RIMS2: variants seen among roughly 807,000 people sequenced by gnomAD.
The protein encoded by RIMS2 is regulating synaptic membrane exocytosis protein 2.
Under a neutral mutation model 174.4 loss-of-function variants are expected in RIMS2, and 59 were observed. That is an observed-to-expected ratio of 0.34 (90% CI 0.27 to 0.42). The LOEUF (loss-of-function observed/expected upper bound fraction) is 0.42, where lower values mean the gene tolerates loss of function less well. Among genes scored for constraint, RIMS2 ranks in the 10% least tolerant of loss-of-function variants. The pLI is 1.00. For missense variants in RIMS2, 1,620 were observed against 1,666.3 expected (o/e 0.97, Z 0.48); for synonymous variants, 606 against 572.5 (o/e 1.06, Z -0.84).
intron 3 of RIMS2, among the ~76,000 whole-genome samples, chr8:103,781,738 C>CTTT (rs11308922): frequency 6.8e-5 from 6 of 88,494 alleles, no homozygotes; most frequent in South Asian, 3.8e-4. Context: ...CTCCCCTAAT[C>CTTT]TTTTTTTTTT....
At chr8:104,170,556 G>GTT (rs2098826171) in intron 19 of RIMS2, among the ~76,000 whole-genome samples, 2 of 151,988 alleles carry the variant, frequency 1.3e-5, no homozygotes, top group African/African-American at 4.8e-5. Context: ...GTGCTTATGT[G>GTT]TTAGGTGAGT....
intron 19 of RIMS2, among the ~76,000 whole-genome samples, chr8:104,043,201 G>T (rs1201193135): frequency 6.6e-6 from 1 of 150,766 alleles, no homozygotes; most frequent in South Asian, 2.1e-4. Flanking sequence ...AGATGGAAAA[G>T]AAAAAAATGA....
intron 1 of RIMS2, among the ~76,000 whole-genome samples, chr8:103,569,839 C>A (rs1325917643): frequency 6.8e-6 from 1 of 146,342 alleles, no homozygotes; most frequent in Non-Finnish European, 1.5e-5. Flanking sequence ...TCTGGTCTTT[C>A]GCAGGCTGGT....
At chr8:103,572,736 A>G (rs778672071) in intron 1 of RIMS2, among the ~76,000 whole-genome samples, 2 of 152,052 alleles carry the variant, frequency 1.3e-5, no homozygotes, top group East Asian at 1.9e-4. Context: ...CTCTTTGCCA[A>G]CTTTTTAATG....
At chr8:103,756,962 C>G (rs182345491) in intron 2 of RIMS2, among the ~76,000 whole-genome samples, 1 of 140,300 alleles carries the variant, frequency 7.1e-6, no homozygotes, top group South Asian at 2.3e-4. Flanking sequence ...CATCCTTTCT[C>G]GTATGTGTGT....
chr8:103,727,239 T>C (rs1564422614), intron 2 of RIMS2, among the ~76,000 whole-genome samples: 1 of 152,068 alleles, frequency 6.6e-6, no homozygotes, highest in Non-Finnish European at 1.5e-5. Context: ...ATAATAATAG[T>C]TTACCTTCTT....
chr8:103,645,607 T>TAC (rs1405636760), intron 1 of RIMS2, among the ~76,000 whole-genome samples: 1 of 152,152 alleles, frequency 6.6e-6, no homozygotes, highest in African/African-American at 2.4e-5. Context: ...GTCATAAGTT[T>TAC]ACCTCTTAGG....
At position 103,512,180 on chromosome 8, in the gene RIMS2, G is replaced by A. The variant is rs1458945233; in HGVS notation, c.176+11118G>A. Among the ~76,000 whole-genome samples, 7 of 152,126 alleles carry A rather than the reference G, an allele frequency of 4.6e-5. No homozygotes were observed. In the East Asian group the frequency reaches 9.6e-4, roughly 21 times the overall value. ...AACCATGCACTGTAGCAAGAACAAC[G>A]AAACACCCAGAACCTTGAAGTCCTT... On this transcript the variant is annotated intron_variant, in intron 1 of 23. Coordinates refer to ENST00000504942, the Ensembl canonical transcript of RIMS2.
At chr8:103,755,731 G>A (rs976908224) in intron 2 of RIMS2, among the ~76,000 whole-genome samples, 15 of 151,844 alleles carry the variant, frequency 9.9e-5, no homozygotes, top group African/African-American at 3.6e-4. Context: ...AATCATACTT[G>A]TGTATGCTTC....
rs564971889 is a variant in RIMS2, at chr8:104,098,159, T to C, written c.3334+83544T>C. On this transcript the variant is annotated intron_variant, in intron 19 of 23. Coordinates refer to ENST00000504942, the Ensembl canonical transcript of RIMS2. ...GCAAAAAGTAAGTTCAAAAATAGTTTGTTAAATGTTTGAATATAATATTTT... is the reference window on the plus strand; with the variant it reads ...GCAAAAAGTAAGTTCAAAAATAGTTCGTTAAATGTTTGAATATAATATTTT... Among the ~76,000 whole-genome samples the C allele has an allele frequency of 1.2e-3, 183 of 152,324 alleles. 1 individual carries two copies. Among genetic ancestry groups the C allele is most frequent in the Non-Finnish European group, 2.3e-3 (155 of 68,018 alleles).
At position 103,934,503 on chromosome 8, in the gene RIMS2, A is replaced by G. The variant is rs116216015; in HGVS notation, c.2376-2048A>G. ...TCTTTTTGTGAATTGGTGCTTGGGT[A>G]CATACTAAATTGCCTTATTAAATTG... On this transcript the variant is annotated intron_variant, in intron 12 of 23. Transcript: ENST00000504942. Among the ~76,000 whole-genome samples the G allele has an allele frequency of 2.7e-3, 407 of 152,238 alleles. 3 individuals are homozygous for G. The highest frequency in any genetic ancestry group is 8.6e-3 in the African/African-American group (356 of 41,584).
At chr8:103,822,443 A>G (rs1236965170) in intron 3 of RIMS2, among the ~76,000 whole-genome samples, 1 of 151,874 alleles carries the variant, frequency 6.6e-6, no homozygotes, top group East Asian at 1.9e-4. Flanking sequence ...ATAAGTCCCC[A>G]AAGTGGAGAT....
chr8:103,721,156 G>T (rs1229500244), intron 2 of RIMS2, among the ~76,000 whole-genome samples: 1 of 152,168 alleles, frequency 6.6e-6, no homozygotes, highest in Non-Finnish European at 1.5e-5. Flanking sequence ...TGTAAGATGT[G>T]CTGGCTCCCC....
At chr8:103,787,182 G>A (rs1314682792) in intron 3 of RIMS2, among the ~76,000 whole-genome samples, 109 of 148,002 alleles carry the variant, frequency 7.4e-4, no homozygotes, top group African/African-American at 2.6e-3. Flanking sequence ...CATGAGATGG[G>A]TTTCCTGAAT....
intron 1 of RIMS2, among the ~76,000 whole-genome samples, chr8:103,605,243 A>G (rs1430372561): frequency 7.3e-6 from 1 of 136,082 alleles, no homozygotes; most frequent in Admixed American, 7.6e-5. Context: ...CTTTTTCTGC[A>G]TCTATTGAGA....
chr8:103,830,675 T>A (rs1388605776), intron 3 of RIMS2, among the ~76,000 whole-genome samples: 1 of 152,218 alleles, frequency 6.6e-6, no homozygotes, highest in African/African-American at 2.4e-5. Context: ...TTTATCCTAT[T>A]TTTTCTCTCA....
intron 8 of RIMS2, 150 bp downstream of exon 11, chr8:103,916,687 C>G: frequency 1.8e-6 from 1 of 563,606 alleles, no homozygotes; most frequent in Non-Finnish European, 3.0e-6. Flanking sequence ...AAGCACCACA[C>G]CAAAAATAAT....
chr8:103,579,290 G>GACAC lies in RIMS2; in HGVS notation c.176+78243_176+78246dup, dbSNP rs756018657. Reference sequence around the variant, plus strand: ...ACACACACAGACACACACACACACAGACACACACACACACACACGAAATGC... The same window carrying GACAC: ...ACACACACAGACACACACACACACAGACACACACACACACACACACACGAAATGC... On this transcript the variant is annotated intron_variant, in intron 1 of 23. Coordinates refer to ENST00000504942, the Ensembl canonical transcript of RIMS2. Among the ~76,000 whole-genome samples, 634 of 127,052 alleles carry GACAC rather than the reference G, an allele frequency of 5.0e-3. 3 individuals carry two copies. The highest frequency in any genetic ancestry group is 0.019 in the African/African-American group (601 of 32,266). 83.4% of individuals were successfully genotyped at this position (127,052 alleles called of 152,430 possible). A position where few individuals can be genotyped will look rare whatever the true frequency, so the allele number is the denominator to read the frequency against.
chr8:103,587,060 A>G (rs2093961265), intron 1 of RIMS2, among the ~76,000 whole-genome samples: 1 of 152,038 alleles, frequency 6.6e-6, no homozygotes, highest in Admixed American at 6.6e-5. Context: ...AACAAGATCC[A>G]TTTATCTGAG....
Sources: allele counts gnomAD v4.1 joint callset (sites outside exome capture counted in the v4.1 genomes callset), GRCh38; gene constraint gnomAD v4.1.1; transcripts MANE v1.5; gene names NCBI Gene and HGNC (gene_info 2026-07-23, HGNC 2026-07-21).